Variants in RAB31 observed in about 807,000 individuals in gnomAD.
The protein encoded by RAB31 is ras-related protein Rab-31.
RAB31 carries 21 observed loss-of-function variants against 25.6 expected under a neutral mutation model. The ratio of observed to expected loss-of-function variants is 0.82; its 90% CI spans 0.58 to 1.18. The LOEUF is 1.18. Among genes scored for constraint, RAB31 ranks in the 50% most tolerant of loss-of-function variants. RAB31 has a pLI of 0.00. For synonymous variants in RAB31, 87 were observed against 84.0 expected, an observed-to-expected ratio of 1.04 and a Z score of -0.20; for missense variants, 196 against 250.1, an observed-to-expected ratio of 0.78 and a Z score of 1.46.
chr18:9,717,787 A>G (rs78675715), intron 1 of RAB31, among the ~76,000 whole-genome samples: 4,005 of 152,342 alleles, frequency 0.026, 90 homozygotes, highest in Middle Eastern at 0.092. Context: ...GGCAAGGAGA[A>G]AGAGCAAGGT....
intron 1 of RAB31, among the ~76,000 whole-genome samples, chr18:9,718,808 C>T (rs1484199621): frequency 2.0e-5 from 3 of 152,072 alleles, no homozygotes; most frequent in Non-Finnish European, 4.4e-5. Context: ...TCCCTGGGGC[C>T]TCTTCCATAA....
chr18:9,820,507 C>A (rs1009958903), intron 5 of RAB31, among the ~76,000 whole-genome samples: 1 of 151,994 alleles, frequency 6.6e-6, no homozygotes, highest in Non-Finnish European at 1.5e-5. Context: ...AGGGCAATAA[C>A]AGTCTTGCAG....
intron 5 of RAB31, among the ~76,000 whole-genome samples, chr18:9,840,371 C>T (rs1483980495): frequency 6.6e-6 from 1 of 152,134 alleles, no homozygotes; most frequent in East Asian, 1.9e-4. Context: ...AAACCCTATA[C>T]ACTTGTTGAA....
At chr18:9,811,710 C>T (rs1355177825) in intron 3 of RAB31, among the ~76,000 whole-genome samples, 3 of 152,142 alleles carry the variant, frequency 2.0e-5, no homozygotes, top group Non-Finnish European at 4.4e-5. Flanking sequence ...CTCACAGAGA[C>T]ATACTCCCAC....
chr18:9,811,186 G>A (rs895215916), intron 3 of RAB31, among the ~76,000 whole-genome samples: 2 of 152,160 alleles, frequency 1.3e-5, no homozygotes, highest in Admixed American at 1.3e-4. Context: ...TTCGGCCACC[G>A]CACAGTTCAG....
At chr18:9,751,189 A>G (rs1290351764) in intron 1 of RAB31, among the ~76,000 whole-genome samples, 2 of 151,908 alleles carry the variant, frequency 1.3e-5, no homozygotes, top group African/African-American at 4.8e-5. Flanking sequence ...ATGCACCACC[A>G]TGCCCGTCTA....
chr18:9,804,710 G>A (rs182714912), intron 3 of RAB31, among the ~76,000 whole-genome samples: 15 of 152,286 alleles, frequency 9.8e-5, no homozygotes, highest in East Asian at 3.9e-4. Context: ...TTCCTGAGGC[G>A]CTGACAGCCT....
intron 2 of RAB31, among the ~76,000 whole-genome samples, chr18:9,777,904 G>A (rs1045243566): frequency 1.3e-4 from 20 of 151,780 alleles, no homozygotes; most frequent in African/African-American, 4.1e-4. Flanking sequence ...ACAGGTGCCC[G>A]CCACCATGCC....
intron 5 of RAB31, among the ~76,000 whole-genome samples, chr18:9,819,123 TATC>T (rs2068613350): frequency 6.6e-6 from 1 of 152,204 alleles, no homozygotes; most frequent in Non-Finnish European, 1.5e-5. Context: ...ATGTCCAGCT[TATC>T]ATGTTTTTCT....
At chr18:9,822,754 G>T (rs1007129786) in intron 5 of RAB31, among the ~76,000 whole-genome samples, 3 of 152,102 alleles carry the variant, frequency 2.0e-5, no homozygotes, top group African/African-American at 7.2e-5. Flanking sequence ...AAAAATCAGC[G>T]ACAACACCTA....
chr18:9,779,261 T>G (rs149378283), intron 2 of RAB31, among the ~76,000 whole-genome samples: 1 of 152,332 alleles, frequency 6.6e-6, no homozygotes, highest in East Asian at 1.9e-4. Context: ...ATGAAAAAAT[T>G]TATACTATGT....
At chr18:9,713,820 T>C (rs2068030003) in intron 1 of RAB31, among the ~76,000 whole-genome samples, 1 of 152,212 alleles carries the variant, frequency 6.6e-6, no homozygotes, top group South Asian at 2.1e-4. Context: ...TGGTGAGGGC[T>C]CGATTTCTGG....
chr18:9,795,892 C>T (rs186881984), intron 3 of RAB31, among the ~76,000 whole-genome samples: 8 of 152,254 alleles, frequency 5.3e-5, no homozygotes, highest in African/African-American at 1.9e-4. Context: ...CGTATCAACC[C>T]AGAGGAAGTC....
chr18:9,728,635 T>G (rs954947122), intron 1 of RAB31, among the ~76,000 whole-genome samples: 1 of 152,192 alleles, frequency 6.6e-6, no homozygotes, highest in Non-Finnish European at 1.5e-5. Context: ...CCTCCCAGGT[T>G]CTAGCGATTC....
intron 1 of RAB31, chr18:9,775,009 G>A (rs146590663): frequency 1.5e-4 from 88 of 569,366 alleles, no homozygotes; most frequent in African/African-American, 1.5e-3. Context: ...TAGTGAACAT[G>A]TTCATTTTTG....
chr18:9,798,428 C>T (rs1203809261), intron 3 of RAB31, among the ~76,000 whole-genome samples: 3 of 152,180 alleles, frequency 2.0e-5, no homozygotes, highest in African/African-American at 7.2e-5. Flanking sequence ...AATAAATTCC[C>T]TGCTGTTGCT....
At chr18:9,751,302 A>G (rs1030109379) in intron 1 of RAB31, among the ~76,000 whole-genome samples, 1 of 152,152 alleles carries the variant, frequency 6.6e-6, no homozygotes, top group Admixed American at 6.5e-5. Context: ...CAGCCCTGCA[A>G]GTTCATTTTT....
intron 5 of RAB31, among the ~76,000 whole-genome samples, chr18:9,834,706 A>C (rs993983151): frequency 6.6e-6 from 1 of 152,178 alleles, no homozygotes; most frequent in South Asian, 2.1e-4. Flanking sequence ...GCCCTATTCT[A>C]ACCTTCTTTG....
chr18:9,795,707 G>A (rs1599041945), intron 3 of RAB31, among the ~76,000 whole-genome samples: 1 of 152,132 alleles, frequency 6.6e-6, no homozygotes, highest in Non-Finnish European at 1.5e-5. Flanking sequence ...TTGCAAGAAC[G>A]ACTATAATCA....
Sources: gnomAD v4.1 joint callset for allele counts (sites outside exome capture counted in the v4.1 genomes callset) on GRCh38, gnomAD v4.1.1 for gene constraint, MANE v1.5 for transcripts, NCBI Gene and HGNC (gene_info 2026-07-23, HGNC 2026-07-21) for gene names.